Variants in CAMKMT observed in about 807,000 individuals in gnomAD.
CAMKMT encodes CaM KMT.
A neutral mutation model predicts 48.0 loss-of-function variants in CAMKMT; 53 were observed. The ratio of observed to expected loss-of-function variants is 1.10; its 90% confidence interval spans 0.89 to 1.39. The LOEUF (loss-of-function observed/expected upper bound fraction) is 1.39. CAMKMT is among the 40% of genes most tolerant of loss of function. CAMKMT has a pLI of 0.00. For missense variants in CAMKMT, 428 were observed against 402.7 expected, an observed-to-expected ratio of 1.06 and a Z score of -0.54; for synonymous variants, 165 against 152.3, an observed-to-expected ratio of 1.08 and a Z score of -0.61.
chr2:44,664,635 A>C (rs531034463), intron 3 of CAMKMT, among the ~76,000 whole-genome samples: 4 of 152,386 alleles, frequency 2.6e-5, no homozygotes, highest in African/African-American at 9.6e-5. Context: ...AAATAAAACA[A>C]ATACATAAAT....
At chr2:44,373,386 C>T (rs1679369716) in intron 2 of CAMKMT, among the ~76,000 whole-genome samples, 1 of 152,104 alleles carries the variant, frequency 6.6e-6, no homozygotes, top group South Asian at 2.1e-4. Context: ...ATGGACTGTT[C>T]TGACTTTAAA....
chr2:44,530,162 C>T (rs1375797944), intron 3 of CAMKMT, among the ~76,000 whole-genome samples: 1 of 152,058 alleles, frequency 6.6e-6, no homozygotes, highest in Non-Finnish European at 1.5e-5. Flanking sequence ...AATGTGATTT[C>T]AAATGATAGG....
intron 3 of CAMKMT, among the ~76,000 whole-genome samples, chr2:44,648,130 A>C (rs1673853258): frequency 6.6e-6 from 1 of 151,876 alleles, no homozygotes. Flanking sequence ...ACATGTCATG[A>C]AAAAAAAGCT....
At chr2:44,629,307 G>A (rs1198131539) in intron 3 of CAMKMT, among the ~76,000 whole-genome samples, 4 of 151,942 alleles carry the variant, frequency 2.6e-5, no homozygotes, top group African/African-American at 9.7e-5. Flanking sequence ...GTTCTTTGAA[G>A]TCCGCTGTGT....
chr2:44,538,664 G>C (rs1217493478), intron 3 of CAMKMT, among the ~76,000 whole-genome samples: 2 of 151,988 alleles, frequency 1.3e-5, no homozygotes, highest in African/African-American at 4.8e-5. Flanking sequence ...CTGCATATTG[G>C]CCACAATATA....
chr2:44,617,232 C>G (rs1051579027), intron 3 of CAMKMT, among the ~76,000 whole-genome samples: 1 of 152,190 alleles, frequency 6.6e-6, no homozygotes, highest in Non-Finnish European at 1.5e-5. Context: ...AAGTCACATT[C>G]TAGCAGAAAC....
rs527693297 is a variant in CAMKMT, at chr2:44,362,110, C to A, written c.103C>A (p.Pro35Thr). 22 of 1,469,298 alleles carry A rather than the reference C, an allele frequency of 1.5e-5. No homozygotes were observed. The highest frequency in any genetic ancestry group is 1.8e-5 in the Non-Finnish European group (20 of 1,121,790). The allele number at this position is 1,469,298 out of a possible 1,614,324, so 91.0% of individuals were successfully genotyped here. Residue 35 changes from proline (P) to threonine (T), a missense_variant, in exon 1 of 11, where the codon CCC becomes ACC. By Grantham distance (38) the Pro-to-Thr change is conservative (BLOSUM62 -1). Coordinates refer to ENST00000378494, the MANE Select transcript of CAMKMT (RefSeq NM_024766.5). ...CACTCGGGGGCCCGTAGTCTCGGCG[C>A]CCCTGGGAGCCGCCCGGTGGAAGCT... ...CTTRGPVVSAPLGAARWKLLR... is the reference protein window; with the variant it reads ...CTTRGPVVSATLGAARWKLLR...
chr2:44,769,863 A>C (rs1200653572), intron 10 of CAMKMT, among the ~76,000 whole-genome samples: 1 of 152,100 alleles, frequency 6.6e-6, no homozygotes, highest in Non-Finnish European at 1.5e-5. Context: ...ATAATTGTGG[A>C]TACTGTAAAG....
chr2:44,469,213 A>G (rs145693066), intron 3 of CAMKMT, among the ~76,000 whole-genome samples: 2 of 152,332 alleles, frequency 1.3e-5, no homozygotes, highest in Admixed American at 6.5e-5. Flanking sequence ...GTACATATAT[A>G]TCAAAGTATC....
intron 7 of CAMKMT, among the ~76,000 whole-genome samples, chr2:44,726,627 G>A (rs548286385): frequency 6.6e-6 from 1 of 152,276 alleles, no homozygotes; most frequent in South Asian, 2.1e-4. Flanking sequence ...GTGTAATCAG[G>A]TCACACGTGT....
In CAMKMT at chr2:44,541,292, T is replaced by C. The variant is rs543131608; in HGVS notation, c.376+150987T>C. Among the ~76,000 whole-genome samples the C allele has an allele frequency of 7.2e-5, 11 of 152,298 alleles. No individual in the cohort carries two copies. The East Asian group carries it at 1.5e-3, about 21-fold the overall frequency. On this transcript the variant is annotated intron_variant, in intron 3 of 10. Coordinates refer to ENST00000378494, the MANE Select transcript of CAMKMT (RefSeq NM_024766.5). ...AATTTATAAATTAGCTTAGAGAGAATAGACATCTTTATGCTGTTGAGTCAT... is the reference window on the plus strand; with the variant it reads ...AATTTATAAATTAGCTTAGAGAGAACAGACATCTTTATGCTGTTGAGTCAT...
intron 3 of CAMKMT, among the ~76,000 whole-genome samples, chr2:44,464,167 A>G (rs961865930): frequency 1.3e-5 from 2 of 152,228 alleles, no homozygotes; most frequent in Admixed American, 1.3e-4. Context: ...CAAACTAGAA[A>G]TTCTGGAGCT....
Position 44,754,036 on chromosome 2 carries a change from G to T in CAMKMT, c.699-19G>T, listed in dbSNP as rs780620273. On this transcript the variant is annotated intron_variant, in intron 8 of 10. Transcript: ENST00000378494. ...GAAAACCCAGTTTAATCTGGATTCT[G>T]CTCTCTTCTCAATGTCAGCCTGTTT... is the stretch of plus-strand genomic sequence containing the variant. 4 of 1,607,190 alleles carry T rather than the reference G, an allele frequency of 2.5e-6. No homozygotes were observed. In the East Asian group the frequency reaches 8.9e-5, roughly 36 times the overall value.
intron 3 of CAMKMT, among the ~76,000 whole-genome samples, chr2:44,538,964 G>C (rs1458601131): frequency 5.7e-5 from 2 of 35,068 alleles, no homozygotes; most frequent in African/African-American, 1.1e-3. Flanking sequence ...GTGTCTGTGT[G>C]TGTGTGTGTG....
intron 3 of CAMKMT, among the ~76,000 whole-genome samples, chr2:44,662,649 G>T (rs1286721093): frequency 6.6e-6 from 1 of 152,122 alleles, no homozygotes; most frequent in Non-Finnish European, 1.5e-5. Context: ...ATGGAGTGCA[G>T]TGGTGCCATC....
chr2:44,445,895 C>G (rs561560137), intron 3 of CAMKMT, among the ~76,000 whole-genome samples: 1 of 152,096 alleles, frequency 6.6e-6, no homozygotes, highest in East Asian at 1.9e-4. Flanking sequence ...ATGACCCCTT[C>G]TGCCAGGAAC....
intron 3 of CAMKMT, among the ~76,000 whole-genome samples, chr2:44,696,769 GA>G (rs143920748): frequency 6.6e-6 from 1 of 151,018 alleles, no homozygotes; most frequent in Non-Finnish European, 1.5e-5. Context: ...CCAAGAAACA[GA>G]AAAAAACAAC....
At chr2:44,487,829 C>G (rs768579427) in intron 3 of CAMKMT, among the ~76,000 whole-genome samples, 1 of 152,258 alleles carries the variant, frequency 6.6e-6, no homozygotes, top group Non-Finnish European at 1.5e-5. Context: ...TGAGTTGTCA[C>G]CTTTTCCAAA....
chr2:44,712,549 A>G (rs1677939296), intron 6 of CAMKMT, among the ~76,000 whole-genome samples: 2 of 152,152 alleles, frequency 1.3e-5, no homozygotes, highest in Admixed American at 6.6e-5. Context: ...TGAGAAGAAA[A>G]CCTAGAGTTA....
Sources: allele counts gnomAD v4.1 joint callset (sites outside exome capture counted in the v4.1 genomes callset), GRCh38; gene constraint gnomAD v4.1.1; transcripts MANE v1.5; gene names NCBI Gene and HGNC (gene_info 2026-07-23, HGNC 2026-07-21).